The following EGLN1 variants were observed in gnomAD, a reference collection of about 807,000 sequenced individuals.
EGLN1 encodes the protein egl-9 family hypoxia inducible factor 1, also known as egl nine homolog 1.
EGLN1 carries 17 observed loss-of-function variants against 38.3 expected under a neutral mutation model. That is an observed-to-expected ratio of 0.44 (90% CI 0.30 to 0.67). The LOEUF is 0.67. EGLN1 is among the 30% of genes least tolerant of loss of function. The pLI, the probability that EGLN1 is intolerant of heterozygous loss-of-function variation, is 0.08. For missense variants in EGLN1, 477 were observed against 603.3 expected, an observed-to-expected ratio of 0.79 and a Z score of 2.19; for synonymous variants, 283 against 257.5, an observed-to-expected ratio of 1.10 and a Z score of -0.95.
chr1:231,370,527 A>G (rs1687793955), intron 3 of EGLN1, 35 bp downstream of exon 3: 2 of 1,611,338 alleles, frequency 1.2e-6, no homozygotes, highest in East Asian at 2.2e-5. Context: ...GTCCTACCAT[A>G]CTCTAAACCA....
rs761442296 is a variant in EGLN1 at position 231,421,706 on chromosome 1, G to A, written c.183C>T (p.Ser61=). ...CCACTCCGTGGCCGAGGGCGCCCTC[G>A]CTGCCCTGGCACACGAGCTTGTGCT... ...WKKHKLVCQG[S]EGALGHGVGP... is the part of the protein sequence containing the mutation. The change falls in exon 1 of 5, where the codon AGC becomes AGT. Residue 61 remains serine, a synonymous_variant. Coordinates refer to ENST00000366641, the MANE Select transcript of EGLN1 (RefSeq NM_022051.3). This position sits in a 1 kb window ranked among gnomAD's most constrained non-coding sequence, Gnocchi z 5.5. The A allele has an allele frequency of 2.6e-6, 4 of 1,517,676 alleles. No homozygotes were observed. Among genetic ancestry groups the A allele is most frequent in the East Asian group, 5.2e-5 (2 of 38,400 alleles). The allele number at this position is 1,517,676 out of a possible 1,614,324, so 94.0% of individuals were successfully genotyped here.
At chr1:231,389,395 G>A (rs376232632) in intron 1 of EGLN1, among the ~76,000 whole-genome samples, 1 of 151,876 alleles carries the variant, frequency 6.6e-6, no homozygotes, top group African/African-American at 2.4e-5. Flanking sequence ...GAGGGCGAAC[G>A]TTGACAAAAT....
chr1:231,375,474 T>C (rs1425003287), intron 1 of EGLN1, among the ~76,000 whole-genome samples: 2 of 152,244 alleles, frequency 1.3e-5, no homozygotes, highest in Non-Finnish European at 2.9e-5. Flanking sequence ...AGAAAAATGC[T>C]AATTTTTAAA....
At chr1:231,398,361 A>C (rs1179654128) in intron 1 of EGLN1, among the ~76,000 whole-genome samples, 1 of 152,130 alleles carries the variant, frequency 6.6e-6, no homozygotes, top group Non-Finnish European at 1.5e-5. Flanking sequence ...TGGGGGTCAC[A>C]TTATGTTGTC....
intron 1 of EGLN1, among the ~76,000 whole-genome samples, chr1:231,407,604 T>G (rs1688830695): frequency 6.6e-6 from 1 of 152,156 alleles, no homozygotes; most frequent in African/African-American, 2.4e-5. Flanking sequence ...TGTTTTGTTT[T>G]GAAGGATTCA....
chr1:231,421,148 C>G lies in EGLN1; in HGVS notation c.741G>C (p.Ser247=). The G allele has an allele frequency of 1.1e-5, 17 of 1,614,168 alleles. No individual in the cohort carries two copies. The highest frequency in any genetic ancestry group is 1.4e-5 in the Non-Finnish European group (16 of 1,180,034). The change falls in exon 1 of 5, where the codon TCG becomes TCC. Residue 247 remains serine, a synonymous_variant. Transcript: ENST00000366641. The surrounding 1 kb of genome is among the most constrained non-coding windows in gnomAD (Gnocchi z 5.5). ...TCTTATCGCCTCGGATGTCCTTGGA[C>G]GAGTCACTCTTCTGGCTGACCAGCT... ...DGQLVSQKSD[S]SKDIRGDKIT... is the part of the protein sequence containing the mutation.
chr1:231,378,009 C>T (rs1272829536), intron 1 of EGLN1, among the ~76,000 whole-genome samples: 1 of 152,198 alleles, frequency 6.6e-6, no homozygotes, highest in East Asian at 1.9e-4. Context: ...TTATCACCAT[C>T]TAAATGTATT....
At chr1:231,391,092 T>TTTTTGTGTGTGTG (rs1553353098) in intron 1 of EGLN1, among the ~76,000 whole-genome samples, 4 of 67,368 alleles carry the variant, frequency 5.9e-5, no homozygotes, top group African/African-American at 1.9e-4. Context: ...TGTTTTTTTT[T>TTTTTGTGTGTGTG]TGTGTGTGTG....
At chr1:231,395,704 T>C (rs1357736318) in intron 1 of EGLN1, among the ~76,000 whole-genome samples, 1 of 152,164 alleles carries the variant, frequency 6.6e-6, no homozygotes, top group Non-Finnish European at 1.5e-5. Context: ...TTAGCTACAG[T>C]GCTCTGGGAT....
intron 1 of EGLN1, among the ~76,000 whole-genome samples, chr1:231,398,995 C>G (rs989533370): frequency 6.6e-6 from 1 of 152,132 alleles, no homozygotes; most frequent in Non-Finnish European, 1.5e-5. Context: ...TAGGATTAGT[C>G]TGATATTAAG....
intron 1 of EGLN1, among the ~76,000 whole-genome samples, chr1:231,419,205 G>T (rs1192312259): frequency 6.6e-6 from 1 of 152,084 alleles, no homozygotes; most frequent in Non-Finnish European, 1.5e-5. Flanking sequence ...ACAGTTACGT[G>T]ACTTAAAACC....
At position 231,422,048 on chromosome 1, in the gene EGLN1, T is replaced by G; in HGVS notation, c.-160A>C. The G allele has an allele frequency of 1.4e-6, 1 of 734,178 alleles. No homozygotes were observed. Among genetic ancestry groups the G allele is most frequent in the Non-Finnish European group, 1.9e-6 (1 of 522,704 alleles). 45.5% of individuals were successfully genotyped at this position (734,178 alleles called of 1,614,324 possible). The stretch of plus-strand genomic sequence containing the variant: ...TCAGGGAGGCCGGCACCCCACGCCC[T>G]CGGCCCGGCCGCTTCCGAGTCCTAA... On this transcript the variant is annotated 5_prime_UTR_variant, in exon 1 of 5. Transcript: ENST00000366641.
At chr1:231,409,251 A>C (rs1461060187) in intron 1 of EGLN1, among the ~76,000 whole-genome samples, 6 of 144,674 alleles carry the variant, frequency 4.1e-5, no homozygotes, top group Admixed American at 2.1e-4. Context: ...TAAAAAAAAA[A>C]AAAAACAAAA....
intron 1 of EGLN1, among the ~76,000 whole-genome samples, chr1:231,395,232 C>T (rs1362608197): frequency 6.6e-6 from 1 of 152,168 alleles, no homozygotes; most frequent in Non-Finnish European, 1.5e-5. Flanking sequence ...CCTCTTTTAG[C>T]TACCGCCCAA....
intron 1 of EGLN1, among the ~76,000 whole-genome samples, chr1:231,377,222 C>G (rs1056365875): frequency 2.6e-5 from 4 of 152,214 alleles, no homozygotes; most frequent in African/African-American, 9.7e-5. Context: ...AACAGTATCA[C>G]TGTTCTCATC....
intron 1 of EGLN1, among the ~76,000 whole-genome samples, chr1:231,387,918 CACAGTTTTCTG>C (rs1688261237): frequency 6.6e-6 from 1 of 152,162 alleles, no homozygotes; most frequent in African/African-American, 2.4e-5. Context: ...TTCTTTGATC[CACAGTTTTCTG>C]GTGGCCCAGG....
intron 1 of EGLN1, among the ~76,000 whole-genome samples, chr1:231,386,990 AG>A (rs1688227584): frequency 6.6e-6 from 1 of 151,816 alleles, no homozygotes; most frequent in Non-Finnish European, 1.5e-5. Context: ...CCTCCTGAAC[AG>A]CTCTACAGGT....
At chr1:231,404,473 C>T (rs562944978) in intron 1 of EGLN1, among the ~76,000 whole-genome samples, 7 of 152,136 alleles carry the variant, frequency 4.6e-5, no homozygotes, top group South Asian at 2.1e-4. Flanking sequence ...TATGGGCTTA[C>T]GTCAGTAAGA....
At chr1:231,413,966 T>C (rs1288668826) in intron 1 of EGLN1, among the ~76,000 whole-genome samples, 1 of 150,568 alleles carries the variant, frequency 6.6e-6, no homozygotes, top group Non-Finnish European at 1.5e-5. Context: ...AAAAATGTGA[T>C]TATGAAGTAC....
Sources: gnomAD v4.1 joint callset for allele counts (sites outside exome capture counted in the v4.1 genomes callset) on GRCh38, gnomAD v4.1.1 for gene constraint, Gnocchi (gnomAD v3.1) non-coding constraint, MANE v1.5 for transcripts, NCBI Gene and HGNC (gene_info 2026-07-23, HGNC 2026-07-21) for gene names.